Variants in DNAH9 observed in about 807,000 individuals in gnomAD.
DNAH9 encodes dynein axonemal heavy chain 9.
DNAH9 carries 345 observed loss-of-function variants against 471.6 expected under a neutral mutation model. The ratio of observed to expected loss-of-function variants is 0.73; its 90% confidence interval spans 0.67 to 0.80. DNAH9 has a LOEUF of 0.80. Among genes scored for constraint, DNAH9 ranks in the 30% least tolerant of loss-of-function variants. The pLI is 0.00. For missense variants in DNAH9, 5,407 were observed against 5,609.2 expected (o/e 0.96, Z 1.15); for synonymous variants, 2,093 against 2,123.6 (o/e 0.99, Z 0.40).
intron 48 of DNAH9, among the ~76,000 whole-genome samples, chr17:11,826,820 C>CTTTTTTTTTT (rs760330537): frequency 4.9e-5 from 5 of 103,020 alleles, no homozygotes; most frequent in African/African-American, 1.6e-4. Flanking sequence ...TCCCTACTTT[C>CTTTTTTTTTT]TTTTTTTTTT....
chr17:11,743,097 G>T (rs894620903), intron 30 of DNAH9, among the ~76,000 whole-genome samples: 1 of 152,002 alleles, frequency 6.6e-6, no homozygotes, highest in African/African-American at 2.4e-5. Flanking sequence ...TGTTTAAAAA[G>T]CTCCTCCAGC....
At chr17:11,908,218 A>T (rs973452368) in intron 61 of DNAH9, among the ~76,000 whole-genome samples, 4 of 152,238 alleles carry the variant, frequency 2.6e-5, no homozygotes, top group African/African-American at 9.6e-5. Context: ...GGTTGAAAAA[A>T]ATCCATGTGT....
intron 35 of DNAH9, among the ~76,000 whole-genome samples, chr17:11,760,665 G>A (rs1360880625): frequency 6.6e-6 from 1 of 152,218 alleles, no homozygotes; most frequent in African/African-American, 2.4e-5. Flanking sequence ...GACTACAGGT[G>A]CATGCCACCA....
chr17:11,933,794 T>G (rs1354948014), intron 64 of DNAH9, 86 bp from the exon 65 acceptor site: 1 of 1,270,356 alleles, frequency 7.9e-7, no homozygotes, highest in East Asian at 2.3e-5. Context: ...TCTTGTGGCT[T>G]TCTGTGCTGC....
chr17:11,688,146 A>G (rs1339902983), intron 19 of DNAH9, among the ~76,000 whole-genome samples: 3 of 144,784 alleles, frequency 2.1e-5, no homozygotes, highest in African/African-American at 7.5e-5. Flanking sequence ...GTAGGGTCTT[A>G]TGTTGGGGAA....
rs752156051 is a variant in DNAH9 at position 11,610,538 on chromosome 17, G to A, written c.757G>A (p.Glu253Lys). 6.2e-7 allele frequency: 1 copy of A among 1,612,686 alleles called. No individual in the cohort carries two copies. The highest frequency in any genetic ancestry group is 1.1e-5 in the South Asian group (1 of 90,996). ...GAATCCCACCCCTAAGGTGGAGTTG[G>A]AGTTCTGGAAGAGCAGGTAGGCAAG... ...GENPTPKVEL[E>K]FWKSRYEDLK... is the part of the protein sequence containing the mutation. Residue 253 changes from glutamate to lysine, a missense_variant, in exon 3 of 69, where the codon GAG becomes AAG. Glu to Lys is a moderately conservative substitution (Grantham distance 56, BLOSUM62 1). Transcript: ENST00000262442.
intron 1 of DNAH9, among the ~76,000 whole-genome samples, chr17:11,607,149 C>A (rs1242634504): frequency 5.3e-5 from 8 of 152,208 alleles, no homozygotes; most frequent in Admixed American, 6.5e-5. Context: ...TGTTTATCTG[C>A]TTGTGTCCTC....
chr17:11,821,476 T>C (rs1236353549), intron 45 of DNAH9, among the ~76,000 whole-genome samples: 1 of 152,138 alleles, frequency 6.6e-6, no homozygotes, highest in Non-Finnish European at 1.5e-5. Context: ...GATAGCTTGC[T>C]CTTTTTAAAT....
intron 19 of DNAH9, among the ~76,000 whole-genome samples, chr17:11,684,565 T>C (rs1017275423): frequency 6.6e-6 from 1 of 152,190 alleles, no homozygotes; most frequent in Non-Finnish European, 1.5e-5. Context: ...ACAGTCCTCT[T>C]GACCTTAAGA....
Position 11,767,764 on chromosome 17 carries a change from G to T in DNAH9, c.7171-689G>T, listed in dbSNP as rs542129977. Among the ~76,000 whole-genome samples, 298 of 152,142 alleles carry T rather than the reference G, an allele frequency of 2.0e-3. 3 individuals are homozygous for T. Among genetic ancestry groups the T allele is most frequent in the African/African-American group, 6.9e-3 (287 of 41,488 alleles). ...GTACACTGGGTATACAGCCCCATGC[G>T]TAAGGGGCCCATTATCTAATAGGTA... is the stretch of plus-strand genomic sequence containing the variant. On this transcript the variant is annotated intron_variant, in intron 36 of 68. Coordinates refer to ENST00000262442, the MANE Select transcript of DNAH9 (RefSeq NM_001372.4).
chr17:11,689,379 T>TTTTTC (rs1555565649), intron 19 of DNAH9, among the ~76,000 whole-genome samples, 187 bp from the exon 20 acceptor site: 2 of 142,082 alleles, frequency 1.4e-5, no homozygotes, highest in African/African-American at 5.1e-5. Flanking sequence ...TTTTTTTTTT[T>TTTTTC]CCCAAAAGAA....
At chr17:11,874,400 G>A (rs1323095770) in intron 52 of DNAH9, among the ~76,000 whole-genome samples, 2 of 152,200 alleles carry the variant, frequency 1.3e-5, no homozygotes, top group Non-Finnish European at 2.9e-5. Flanking sequence ...ACAGGCACCA[G>A]CAGGCAGGTT....
chr17:11,925,308 G>C (rs181457572), intron 62 of DNAH9: 221 of 416,772 alleles, frequency 5.3e-4, no homozygotes, highest in African/African-American at 4.2e-3. Flanking sequence ...CATTCTTCCC[G>C]GCTTTCACTA....
At chr17:11,861,583 C>T (rs1567856208) in intron 50 of DNAH9, among the ~76,000 whole-genome samples, 1 of 150,042 alleles carries the variant, frequency 6.7e-6, no homozygotes, top group African/African-American at 2.4e-5. Context: ...AGTTCTAGAT[C>T]CCTGAGGAAT....
At position 11,763,523 on chromosome 17, in the gene DNAH9, A is replaced by G. The variant is rs1175861187; in HGVS notation, c.7079A>G (p.Asp2360Gly). The G allele has an allele frequency of 3.7e-6, 6 of 1,613,760 alleles. No homozygotes were observed. The African/African-American group carries it at 5.3e-5, about 14-fold the overall frequency. Reference sequence around the variant, plus strand: ...CTGGAATGTCTCCTGACCACGGAGGACATCCCTGCAGACTGCCCTAAGGAA... The same window carrying G: ...CTGGAATGTCTCCTGACCACGGAGGGCATCCCTGCAGACTGCCCTAAGGAA... ...HLLECLLTTE[D>G]IPADCPKEIY... Residue 2360 changes from aspartate (D) to glycine (G), a missense_variant, in exon 36 of 69, where the codon GAC (aspartate) becomes GGC (glycine). Asp to Gly is a moderately conservative substitution (Grantham distance 94). Around this residue, in one of 3 missense-constraint regions of DNAH9, gnomAD observed 4,636 missense variants for 4,900.3 expected, o/e 0.95. Transcript: ENST00000262442.
intron 12 of DNAH9, among the ~76,000 whole-genome samples, chr17:11,649,816 T>C (rs1418439809): frequency 2.6e-5 from 4 of 152,200 alleles, no homozygotes; most frequent in Non-Finnish European, 5.9e-5. Flanking sequence ...GAATTGCTTG[T>C]TCATGTCCTT....
At chr17:11,894,257 A>G in intron 58 of DNAH9, 117 bp from the exon 59 acceptor site, 2 of 1,422,350 alleles carry the variant, frequency 1.4e-6, no homozygotes, top group East Asian at 2.3e-5. Context: ...AACAACCAAA[A>G]TTGATGGGCA....
chr17:11,771,367 G>A (rs1338017230), intron 38 of DNAH9, among the ~76,000 whole-genome samples: 1 of 152,156 alleles, frequency 6.6e-6, no homozygotes, highest in Non-Finnish European at 1.5e-5. Flanking sequence ...GACCTCAGGT[G>A]ATCCACCTGC....
chr17:11,912,650 T>A (rs1201319867), intron 61 of DNAH9, among the ~76,000 whole-genome samples: 2 of 152,336 alleles, frequency 1.3e-5, no homozygotes, highest in Non-Finnish European at 1.5e-5. Context: ...ATTCCTAGGA[T>A]CTCAGTCAGT....
Sources: gnomAD v4.1 joint callset for allele counts (sites outside exome capture counted in the v4.1 genomes callset) on GRCh38, gnomAD v4.1.1 for gene constraint, gnomAD v4.1.1 regional missense constraint, MANE v1.5 for transcripts, NCBI Gene and HGNC (gene_info 2026-07-23, HGNC 2026-07-21) for gene names.